The following WDR35 variants were observed in gnomAD, a reference collection of about 807,000 sequenced individuals.
WDR35 encodes the protein WD repeat-containing protein 35.
Under a neutral mutation model 158.3 loss-of-function variants are expected in WDR35, and 118 were observed. That is an observed-to-expected ratio of 0.75 (90% confidence interval 0.64 to 0.87). The LOEUF is 0.87. Among genes scored for constraint, WDR35 ranks in the 40% least tolerant of loss-of-function variants. The pLI is 0.00. For synonymous variants in WDR35, 448 were observed against 476.1 expected (o/e 0.94, Z 0.77); for missense variants, 1,263 against 1,405.8 (o/e 0.90, Z 1.62).
chr2:19,974,435 T>G, intron 7 of WDR35, 33 bp downstream of exon 7: 2 of 1,536,600 alleles, frequency 1.3e-6, no homozygotes. Flanking sequence ...AAATAGAAAT[T>G]AAAAAAATTT....
At chr2:19,954,849 G>GATGT (rs1671372151) in intron 11 of WDR35, among the ~76,000 whole-genome samples, 1 of 152,150 alleles carries the variant, frequency 6.6e-6, no homozygotes, top group Admixed American at 6.5e-5. Context: ...CTCATATGCT[G>GATGT]ATGTTCATAA....
At chr2:19,979,076 C>T (rs976248662) in intron 4 of WDR35, among the ~76,000 whole-genome samples, 197 bp from the exon 5 acceptor site, 3 of 152,152 alleles carry the variant, frequency 2.0e-5, no homozygotes, top group Admixed American at 6.5e-5. Flanking sequence ...TAACTGATAA[C>T]TGCTTCAAAG....
At chr2:19,969,163 G>A (rs1355101774) in intron 9 of WDR35, among the ~76,000 whole-genome samples, 1 of 152,166 alleles carries the variant, frequency 6.6e-6, no homozygotes, top group African/African-American at 2.4e-5. Flanking sequence ...TCTCATTGAC[G>A]CTAATCTTTG....
intron 2 of WDR35, among the ~76,000 whole-genome samples, chr2:19,985,044 C>T (rs1385323521): frequency 6.6e-6 from 1 of 152,154 alleles, no homozygotes; most frequent in Non-Finnish European, 1.5e-5. Flanking sequence ...CCTGAGATTT[C>T]TGGTCAATTT....
intron 3 of WDR35, among the ~76,000 whole-genome samples, chr2:19,981,838 T>C (rs1572368116): frequency 6.6e-6 from 1 of 152,168 alleles, no homozygotes; most frequent in Non-Finnish European, 1.5e-5. Flanking sequence ...TCCTTTAATC[T>C]GGAATCATAG....
intron 4 of WDR35, 108 bp from the exon 5 acceptor site, chr2:19,978,987 A>C (rs1012203527): frequency 1.1e-5 from 15 of 1,377,060 alleles, no homozygotes; most frequent in Non-Finnish European, 5.0e-6. Context: ...AAATAACTGC[A>C]AAGTTTTCTA....
At chr2:19,976,995 GT>G (rs149009916) in intron 5 of WDR35, among the ~76,000 whole-genome samples, 108 of 147,964 alleles carry the variant, frequency 7.3e-4, no homozygotes, top group African/African-American at 2.4e-3. Context: ...AATTTGTTTT[GT>G]TTTTTTTTTA....
intron 11 of WDR35, among the ~76,000 whole-genome samples, chr2:19,955,408 G>C (rs183328465): frequency 1.5e-3 from 230 of 152,274 alleles, no homozygotes; most frequent in African/African-American, 5.2e-3. Context: ...ATTTCTTAGA[G>C]AACATTTAAT....
chr2:19,972,883 G>A (rs1672074995), intron 8 of WDR35, among the ~76,000 whole-genome samples: 1 of 151,984 alleles, frequency 6.6e-6, no homozygotes, highest in Admixed American at 6.6e-5. Flanking sequence ...ATTAAGCTTA[G>A]TTATTAATAA....
rs748710979 is a variant in WDR35 at position 19,914,192 on chromosome 2, G to A, written c.3207C>T (p.Ala1069=). Residue 1069 remains alanine (A), a synonymous_variant, in exon 26 of 27, where the codon GCC becomes GCT. Coordinates refer to ENST00000281405, the MANE Select transcript of WDR35 (RefSeq NM_020779.4). ...LLALCACASR[A]FGTCSKAFIK... ...TGAAAGCTTTTGAACAAGTCCCAAA[G>A]GCTCTGCTGGCGCATGCGCAGAGTG... 6 of 1,614,086 alleles carry A rather than the reference G, an allele frequency of 3.7e-6. No individual in the cohort carries two copies. The highest frequency in any genetic ancestry group is 1.7e-5 in the Admixed American group (1 of 60,010).
At chr2:19,923,483 A>C (rs557242946) in intron 25 of WDR35, among the ~76,000 whole-genome samples, 1 of 152,228 alleles carries the variant, frequency 6.6e-6, no homozygotes, top group Non-Finnish European at 1.5e-5. Context: ...GAAGGAGAGT[A>C]TAACGAAGTA....
chr2:19,963,364 A>G (rs1166612324), intron 10 of WDR35, among the ~76,000 whole-genome samples: 1 of 135,370 alleles, frequency 7.4e-6, no homozygotes, highest in Non-Finnish European at 1.7e-5. Context: ...TCTGTAGTCG[A>G]TAATTGTATT....
rs749625458 is a variant in WDR35 at position 19,938,261 on chromosome 2, A to G, written c.2063+4T>C. 1 of 1,614,058 alleles carries G rather than the reference A, an allele frequency of 6.2e-7. No individual in the cohort carries two copies. On this transcript the variant is annotated splice_donor_region_variant and intron_variant, in intron 18 of 26. Transcript: ENST00000281405. ...TCCTGGGAGAGTTTGCTTTTTTTAA[A>G]TACCAAAGTCGGGGGTGTGGATTGT...
chr2:19,984,002 C>CATATATATAT (rs753374553), intron 2 of WDR35, among the ~76,000 whole-genome samples: 5 of 89,936 alleles, frequency 5.6e-5, no homozygotes, highest in African/African-American at 2.4e-4. Context: ...CATTCTAATG[C>CATATATATAT]ATATATATAT....
Position 19,910,619 on chromosome 2 carries a change from A to G in WDR35, c.*2939T>C, listed in dbSNP as rs1382522073. ...AGGAGAACAACATAACTGTTTAATG[A>G]TGCTGTCTTCAATATACTACCTAAT... On this transcript the variant is annotated 3_prime_UTR_variant, in exon 27 of 27. Transcript: ENST00000281405. 1.3e-5 allele frequency: 2 copies of G among 152,218 alleles called. No individual in the cohort carries two copies. Among genetic ancestry groups the G allele is most frequent in the Non-Finnish European group, 1.5e-5 (1 of 68,036 alleles). The allele number at this position is 152,218 out of a possible 1,614,324, so 9.4% of individuals were successfully genotyped here.
intron 5 of WDR35, 102 bp downstream of exon 5, chr2:19,978,649 T>C: frequency 6.5e-7 from 1 of 1,540,942 alleles, no homozygotes; most frequent in Non-Finnish European, 8.9e-7. Context: ...TATGTCTATT[T>C]TTCAATCAGA....
rs575615359 is a variant in WDR35, at chr2:19,949,873, G to A, written c.1470+1542C>T. Among the ~76,000 whole-genome samples the A allele has an allele frequency of 1.2e-4, 19 of 152,300 alleles. No individual in the cohort carries two copies. In the East Asian group the frequency reaches 1.5e-3, roughly 12 times the overall value. ...TCGTGATTCTTGCAAAGATAGTGAA[G>A]CCAACCACTGATATATAGAATATAT... is the stretch of plus-strand genomic sequence containing the variant. On this transcript the variant is annotated intron_variant, in intron 13 of 26. Transcript: ENST00000281405.
chr2:19,951,107 TAGAC>T (rs1032373269), intron 13 of WDR35, among the ~76,000 whole-genome samples: 14 of 152,154 alleles, frequency 9.2e-5, no homozygotes, highest in African/African-American at 3.4e-4. Context: ...GGTCAACTGA[TAGAC>T]AGATAAAGAG....
At chr2:19,921,439 C>G (rs1028523694) in intron 25 of WDR35, among the ~76,000 whole-genome samples, 1 of 152,182 alleles carries the variant, frequency 6.6e-6, no homozygotes, top group Non-Finnish European at 1.5e-5. Flanking sequence ...CTACAACCAT[C>G]TGATCTTTGA....
Sources: gnomAD v4.1 joint callset for allele counts (sites outside exome capture counted in the v4.1 genomes callset) on GRCh38, gnomAD v4.1.1 for gene constraint, MANE v1.5 for transcripts, NCBI Gene and HGNC (gene_info 2026-07-23, HGNC 2026-07-21) for gene names.